Variants in SHANK1 observed in about 807,000 individuals in gnomAD.
The protein encoded by SHANK1 is SH3 and multiple ankyrin repeat domains 1.
Under a neutral mutation model 165.6 loss-of-function variants are expected in SHANK1, and 35 were observed. That is an observed-to-expected ratio of 0.21 (90% confidence interval 0.16 to 0.28). SHANK1 has a LOEUF of 0.28. Ranked by LOEUF, SHANK1 falls within the 10% of genes least tolerant of loss-of-function variation. The pLI is 1.00. For missense variants in SHANK1, 2,681 were observed against 3,036.4 expected, an observed-to-expected ratio of 0.88 and a Z score of 2.75; for synonymous variants, 1,428 against 1,384.8, an observed-to-expected ratio of 1.03 and a Z score of -0.69.
In SHANK1 at chr19:50,666,352, T is replaced by A. The variant is rs1298254320; in HGVS notation, c.5608A>T (p.Ile1870Phe). The change falls in exon 23 of 24, where the codon ATC becomes TTC. Residue 1870 changes from isoleucine to phenylalanine, a missense_variant. Around this residue, in one of 10 missense-constraint regions of SHANK1, gnomAD observed 1,713 missense variants for 1,630.2 expected, o/e 1.05. Coordinates refer to ENST00000293441, the MANE Select transcript of SHANK1 (RefSeq NM_016148.5). The part of the protein sequence containing the change: ...ASALATVKAS[I>F]ISELSSKLQQ... ...AGCTTGGAGCTGAGTTCACTGATGA[T>A]GCTGGCTTTTACTGTGGCCAAGGCT... 6.2e-7 allele frequency: 1 copy of A among 1,613,720 alleles called. No individual in the cohort carries two copies. Among genetic ancestry groups the A allele is most frequent in the Non-Finnish European group, 8.5e-7 (1 of 1,179,958 alleles).
At chr19:50,681,871 G>A (rs1331073522) in intron 21 of SHANK1, among the ~76,000 whole-genome samples, 2 of 151,968 alleles carry the variant, frequency 1.3e-5, no homozygotes, top group Non-Finnish European at 1.5e-5. Context: ...TCCCTTGCTC[G>A]AGTGATCCTC....
At position 50,672,034 on chromosome 19, in the gene SHANK1, G is replaced by A. The variant is rs1985810231; in HGVS notation, c.2658C>T (p.Leu886=). ...SFLPPGPGLM[L]RQKSIGAAED... ...GTGGCATACCGATAGATTTTTGCCGGAGCATCAACCCAGGTCCTGGAGGCA... is the reference window on the plus strand; with the variant it reads ...GTGGCATACCGATAGATTTTTGCCGAAGCATCAACCCAGGTCCTGGAGGCA... Residue 886 remains leucine (L), a synonymous_variant, in exon 22 of 24, where the codon CTC becomes CTT. Coordinates refer to ENST00000293441, the MANE Select transcript of SHANK1 (RefSeq NM_016148.5). 2 of 1,613,502 alleles carry A rather than the reference G, an allele frequency of 1.2e-6. No homozygotes were observed. Among genetic ancestry groups the A allele is most frequent in the East Asian group, 4.5e-5 (2 of 44,868 alleles).
At position 50,686,285 on chromosome 19, in the gene SHANK1, G is replaced by T. The variant is rs746595515; in HGVS notation, c.2529C>A (p.Gly843=). ...ISASESPGPG[G]LASLGKHRPK... ...GTCGGTGTTTGCCCAGGGACGCGAGGCCACCGGGACCAGGGCTTTCGCTTG... is the reference window on the plus strand; with the variant it reads ...GTCGGTGTTTGCCCAGGGACGCGAGTCCACCGGGACCAGGGCTTTCGCTTG... Residue 843 remains glycine, a synonymous_variant, in exon 21 of 24, where the codon GGC becomes GGA. Transcript: ENST00000293441. This position sits in a 1 kb window ranked among gnomAD's most constrained non-coding sequence, Gnocchi z 5.7. 3 of 1,607,736 alleles carry T rather than the reference G, an allele frequency of 1.9e-6. No homozygotes were observed. The highest frequency in any genetic ancestry group is 3.4e-5 in the Admixed American group (2 of 59,280).
At chr19:50,707,876 T>TTTTTTTCTTTTCTTTTCTTTTCTTTTC (rs2088958078) in intron 8 of SHANK1, among the ~76,000 whole-genome samples, 2 of 95,016 alleles carry the variant, frequency 2.1e-5, no homozygotes, top group Non-Finnish European at 4.3e-5. Context: ...CTTTTGCGTG[T>TTTTTTTCTTTTCTTTTCTTTTCTTTTC]TTTTCTTTTC....
chr19:50,711,596 C>A, intron 7 of SHANK1, 109 bp from the exon 8 acceptor site: 1 of 778,186 alleles, frequency 1.3e-6, no homozygotes, highest in East Asian at 2.7e-5. Flanking sequence ...TATCGTTCAC[C>A]GCATCCACCT....
chr19:50,686,634 C>G lies in SHANK1; in HGVS notation c.2458+110G>C, dbSNP rs372059435. On this transcript the variant is annotated intron_variant, in intron 20 of 23. Transcript: ENST00000293441. The surrounding 1 kb of genome is among the most constrained non-coding windows in gnomAD (Gnocchi z 5.7). ...GGGAGGGGAGGTGGGATCGCAGCCT[C>G]TCTGGGGCAGGAAGGTGAGGGGCGC... is the stretch of plus-strand genomic sequence containing the variant. The G allele has an allele frequency of 6.9e-5, 74 of 1,070,976 alleles. No individual in the cohort carries two copies. The South Asian group carries it at 9.0e-4, about 13-fold the overall frequency. The allele number at this position is 1,070,976 out of a possible 1,614,324, so 66.3% of individuals were successfully genotyped here. A position where few individuals can be genotyped will look rare whatever the true frequency, so the allele number is the denominator to read the frequency against.
chr19:50,693,107 C>T (rs1477865023), intron 15 of SHANK1, among the ~76,000 whole-genome samples: 24 of 151,678 alleles, frequency 1.6e-4, no homozygotes, highest in Admixed American at 1.6e-3. Context: ...TCTGCCCCCT[C>T]GACTCACTTC....
At chr19:50,694,669 G>T (rs983222333) in intron 15 of SHANK1, among the ~76,000 whole-genome samples, 3 of 147,076 alleles carry the variant, frequency 2.0e-5, no homozygotes, top group Admixed American at 6.7e-5. Context: ...TATTAGGGGG[G>T]AGGGTCGGGG....
In SHANK1 at chr19:50,688,587, C is replaced by T. The variant is rs1986436162; in HGVS notation, c.2172+257G>A. On this transcript the variant is annotated intron_variant, in intron 17 of 23. Transcript: ENST00000293441. The surrounding 1 kb of genome is among the most constrained non-coding windows in gnomAD (Gnocchi z 6.7). ...CCTCCCAAAGCACTGGGATCACAGG[C>T]GTGAGCCGCTGTGCCTGGCCATCCC... Among the ~76,000 whole-genome samples the T allele has an allele frequency of 6.6e-6, 1 of 152,176 alleles. No individual in the cohort carries two copies. The highest frequency in any genetic ancestry group is 2.1e-4 in the South Asian group (1 of 4,838).
rs1221482189 is a variant in SHANK1, at chr19:50,718,752, G to A, written c.-44+654C>T. 2.7e-5 allele frequency among the ~76,000 whole-genome samples: 4 copies of A among 149,174 alleles called. No individual in the cohort carries two copies. The highest frequency in any genetic ancestry group is 4.3e-4 in the South Asian group (2 of 4,642). On this transcript the variant is annotated intron_variant, in intron 1 of 23. Transcript: ENST00000293441. This position sits in a 1 kb window ranked among gnomAD's most constrained non-coding sequence, Gnocchi z 5.1. ...GGCGGAGGGAGGCGGGGAGGGGCGG[G>A]GAGAGAGAGCCGGAGCCGAGGCTGG...
chr19:50,715,834 C>G (rs1255946893), intron 3 of SHANK1, 104 bp from the exon 4 acceptor site: 1 of 1,130,502 alleles, frequency 8.8e-7, no homozygotes, highest in East Asian at 2.4e-5. Context: ...TCTAATTCCC[C>G]GGGGTAGCTC....
At chr19:50,682,591 C>G (rs1230266157) in intron 21 of SHANK1, among the ~76,000 whole-genome samples, 1 of 152,104 alleles carries the variant, frequency 6.6e-6, no homozygotes, top group East Asian at 1.9e-4. Context: ...TCTGGGGGAT[C>G]AGGAACAAAC....
At position 50,716,926 on chromosome 19, in the gene SHANK1, G is replaced by T. The variant is rs758306309; in HGVS notation, c.-7C>A. 9.8e-6 allele frequency: 14 copies of T among 1,427,818 alleles called. No individual in the cohort carries two copies. Among genetic ancestry groups the T allele is most frequent in the Non-Finnish European group, 1.8e-6 (2 of 1,090,482 alleles). 88.4% of individuals were successfully genotyped at this position (1,427,818 alleles called of 1,614,324 possible). ...TCGCGGGGCTGTGGGTCATTGTGGG[G>T]CCACGGGGCGACGGGGGACGGCAGC... On this transcript the variant is annotated 5_prime_UTR_variant, in exon 2 of 24. Coordinates refer to ENST00000293441, the MANE Select transcript of SHANK1 (RefSeq NM_016148.5). The surrounding 1 kb of genome is among the most constrained non-coding windows in gnomAD (Gnocchi z 8.4).
chr19:50,665,508 A>G (rs1985446623), intron 23 of SHANK1, among the ~76,000 whole-genome samples: 1 of 130,406 alleles, frequency 7.7e-6, no homozygotes, highest in Non-Finnish European at 1.6e-5. Context: ...CAGAAGTTGC[A>G]GTGAGCTGAG....
At position 50,688,316 on chromosome 19, in the gene SHANK1, T is replaced by C. The variant is rs950332532; in HGVS notation, c.2173-258A>G. Among the ~76,000 whole-genome samples the C allele has an allele frequency of 4.6e-5, 7 of 152,030 alleles. No homozygotes were observed. The highest frequency in any genetic ancestry group is 1.0e-4 in the Non-Finnish European group (7 of 68,014). On this transcript the variant is annotated intron_variant, in intron 17 of 23. Coordinates refer to ENST00000293441, the MANE Select transcript of SHANK1 (RefSeq NM_016148.5). This position sits in a 1 kb window ranked among gnomAD's most constrained non-coding sequence, Gnocchi z 6.7. ...CCTCCTTGTCCCCAGTATTTATTTA[T>C]TTATTTACTTTTATTTTTAAAAGAC...
At chr19:50,673,248 C>T (rs1185103847) in intron 21 of SHANK1, among the ~76,000 whole-genome samples, 8 of 152,022 alleles carry the variant, frequency 5.3e-5, no homozygotes, top group African/African-American at 7.2e-5. Context: ...AAGGTTCCCC[C>T]GTAGCAAACC....
At chr19:50,698,775 C>T (rs1026501022) in intron 12 of SHANK1, among the ~76,000 whole-genome samples, 3 of 152,216 alleles carry the variant, frequency 2.0e-5, no homozygotes, top group African/African-American at 4.8e-5. Context: ...ACAGCTCAGT[C>T]TGCTTCCAGA....
intron 11 of SHANK1, among the ~76,000 whole-genome samples, chr19:50,703,125 T>C (rs11667534): frequency 0.38 from 53,769 of 142,350 alleles, 10,259 homozygotes; most frequent in African/African-American, 0.5. Flanking sequence ...CCCCCGCCCC[T>C]TCCTCATCCT....
chr19:50,710,845 CAG>C (rs901591712), intron 8 of SHANK1, among the ~76,000 whole-genome samples: 1 of 152,240 alleles, frequency 6.6e-6, no homozygotes, highest in African/African-American at 2.4e-5. Flanking sequence ...AATGCAGACA[CAG>C]GGGAACTGAG....
Sources: gnomAD v4.1 joint callset for allele counts (sites outside exome capture counted in the v4.1 genomes callset) on GRCh38, gnomAD v4.1.1 for gene constraint, gnomAD v4.1.1 regional missense constraint, Gnocchi (gnomAD v3.1) non-coding constraint, MANE v1.5 for transcripts, NCBI Gene and HGNC (gene_info 2026-07-23, HGNC 2026-07-21) for gene names.